The following MED13L variants were observed in gnomAD, a reference collection of about 807,000 sequenced individuals.
MED13L encodes the protein mediator complex subunit 13L, also known as mediator of RNA polymerase II transcription subunit 13-like.
In MED13L, 7 loss-of-function variants were observed where a neutral mutation model predicts 220.9. The ratio of observed to expected loss-of-function variants is 0.03; its 90% CI spans 0.02 to 0.06. The LOEUF (loss-of-function observed/expected upper bound fraction) is 0.06. Among genes scored for constraint, MED13L ranks in the 10% least tolerant of loss-of-function variants. The probability of loss-of-function intolerance (pLI) is 1.00; values close to 1 mark genes in which losing one functional copy is unlikely to be tolerated. For missense variants in MED13L, 1,965 were observed against 2,760.5 expected (o/e 0.71, Z 6.46); for synonymous variants, 1,011 against 1,015.2 (o/e 1.00, Z 0.08).
At chr12:116,143,857 A>C (rs531983898) in intron 2 of MED13L, among the ~76,000 whole-genome samples, 8 of 152,352 alleles carry the variant, frequency 5.3e-5, no homozygotes, top group Non-Finnish European at 1.0e-4. Flanking sequence ...TGAAAAATGA[A>C]TATACAAAAA....
chr12:116,119,825 AAAAAAAAAAAAAAATAT>A (rs1440154845), intron 2 of MED13L, among the ~76,000 whole-genome samples: 3 of 112,174 alleles, frequency 2.7e-5, no homozygotes, highest in Non-Finnish European at 1.8e-5. Flanking sequence ...AAAAAAAAAA[AAAAAAAAAAAAAAATAT>A]ATATATATAT....
chr12:116,152,277 T>C (rs1878097928), intron 2 of MED13L, among the ~76,000 whole-genome samples: 1 of 152,230 alleles, frequency 6.6e-6, no homozygotes, highest in Admixed American at 6.5e-5. Context: ...CATAATTTTA[T>C]TATACCATAA....
Position 116,272,012 on chromosome 12 carries a change from AT to A in MED13L, c.72+5047del, listed in dbSNP as rs374891220. Among the ~76,000 whole-genome samples the A allele has an allele frequency of 1.8e-4, 28 of 152,050 alleles. No individual in the cohort carries two copies. The East Asian group carries it at 5.2e-3, about 28-fold the overall frequency. ...AAATAAGTCGAATGTTTCAAAAAAA[AT>A]CTACTCTATCTTTGATTCAAAGTTG... is the stretch of plus-strand genomic sequence containing the variant. On this transcript the variant is annotated intron_variant, in intron 1 of 30. Transcript: ENST00000281928.
intron 4 of MED13L, among the ~76,000 whole-genome samples, chr12:116,026,459 T>C (rs990000672): frequency 1.3e-5 from 2 of 152,218 alleles, no homozygotes; most frequent in African/African-American, 4.8e-5. Context: ...TATATATTTT[T>C]GGCAAGTTAT....
intron 2 of MED13L, among the ~76,000 whole-genome samples, chr12:116,116,940 G>T (rs992206368): frequency 6.7e-6 from 1 of 149,784 alleles, no homozygotes; most frequent in East Asian, 2.1e-4. Flanking sequence ...GAGGATGTAA[G>T]GTTCTAGGAA....
chr12:116,088,810 GAGAAA>G (rs994452182), intron 4 of MED13L, among the ~76,000 whole-genome samples: 7 of 150,306 alleles, frequency 4.7e-5, no homozygotes, highest in Non-Finnish European at 8.9e-5. Flanking sequence ...AAAAAAAAAG[GAGAAA>G]AGAAAAGGCC....
At chr12:116,136,962 A>G (rs573162343) in intron 2 of MED13L, among the ~76,000 whole-genome samples, 4 of 152,338 alleles carry the variant, frequency 2.6e-5, no homozygotes, top group African/African-American at 9.6e-5. Context: ...AAGACAATTG[A>G]GGTAAATCAT....
At chr12:116,226,629 G>C (rs867830958) in intron 2 of MED13L, among the ~76,000 whole-genome samples, 1 of 152,202 alleles carries the variant, frequency 6.6e-6, no homozygotes, top group East Asian at 1.9e-4. Flanking sequence ...AGCGCTTTGG[G>C]AGGCCCAGGA....
chr12:116,195,234 G>C (rs1048149895), intron 2 of MED13L, among the ~76,000 whole-genome samples: 1 of 151,886 alleles, frequency 6.6e-6, no homozygotes, highest in Admixed American at 6.6e-5. Context: ...TGGGAGACAA[G>C]TGCCCTCTGC....
intron 2 of MED13L, among the ~76,000 whole-genome samples, chr12:116,129,898 G>A (rs1167242989): frequency 1.4e-5 from 2 of 142,318 alleles, no homozygotes; most frequent in Non-Finnish European, 1.5e-5. Flanking sequence ...AACAGAGTGA[G>A]ACTCAGTCTC....
Position 116,008,632 on chromosome 12 carries a change from G to A in MED13L, c.1781C>T (p.Thr594Ile). 1.2e-6 allele frequency: 2 copies of A among 1,614,086 alleles called. No individual in the cohort carries two copies. Among genetic ancestry groups the A allele is most frequent in the South Asian group, 1.1e-5 (1 of 91,086 alleles). ...TACGAGGACAGTTCTGTCATCCAGA[G>A]TAGACAACTGCTGGAGTTCTAGTCC... ...GNGLELQQLS[T>I]LDDRTVLVGQ... The change falls in exon 10 of 31, where the codon ACT becomes ATT. Residue 594 changes from threonine to isoleucine, a missense_variant. Around this residue, in one of 10 missense-constraint regions of MED13L, gnomAD observed 818 missense variants for 1,041.2 expected, o/e 0.79. Transcript: ENST00000281928.
chr12:115,993,543 G>C (rs1878204575), intron 16 of MED13L, among the ~76,000 whole-genome samples: 1 of 151,316 alleles, frequency 6.6e-6, no homozygotes, highest in Non-Finnish European at 1.5e-5. Context: ...TGGTATCTTT[G>C]AGTACAGATA....
At chr12:116,098,367 T>C (rs1052059929) in intron 3 of MED13L, among the ~76,000 whole-genome samples, 2 of 152,214 alleles carry the variant, frequency 1.3e-5, no homozygotes, top group Non-Finnish European at 2.9e-5. Flanking sequence ...TTCAGTGAAA[T>C]TCTACATATT....
chr12:116,032,172 A>G (rs1025909004), intron 4 of MED13L, among the ~76,000 whole-genome samples: 9 of 152,214 alleles, frequency 5.9e-5, no homozygotes, highest in South Asian at 4.1e-4. Flanking sequence ...CCTGGATATA[A>G]TAAATACCAT....
intron 2 of MED13L, chr12:116,148,609 CTATA>C (rs3043743): frequency 0.21 from 38,145 of 182,350 alleles, 3,348 homozygotes; most frequent in South Asian, 0.27. Flanking sequence ...ATGGAGATAT[CTATA>C]TATATATATA....
At chr12:116,138,404 A>C (rs1237141659) in intron 2 of MED13L, among the ~76,000 whole-genome samples, 1 of 152,212 alleles carries the variant, frequency 6.6e-6, no homozygotes, top group Non-Finnish European at 1.5e-5. Flanking sequence ...TTGAAGCTGT[A>C]AAGAAAGTGA....
At chr12:115,986,154 C>A in intron 19 of MED13L, 112 bp downstream of exon 19, 1 of 1,190,724 alleles carries the variant, frequency 8.4e-7, no homozygotes, top group Non-Finnish European at 1.2e-6. Context: ...CACCTGTTTG[C>A]AAATTTTCTC....
At chr12:116,277,027 GCACAGC>G in intron 1 of MED13L, 27 bp downstream of exon 1, 4 of 1,198,326 alleles carry the variant, frequency 3.3e-6, no homozygotes, top group Non-Finnish European at 4.8e-6. Flanking sequence ...CCCTTCCCCG[GCACAGC>G]CCCCTCCCCG....
At chr12:116,098,830 G>A (rs1872827778) in intron 3 of MED13L, among the ~76,000 whole-genome samples, 1 of 152,058 alleles carries the variant, frequency 6.6e-6, no homozygotes, top group Non-Finnish European at 1.5e-5. Context: ...TAGAAAATAG[G>A]AAATATGGCA....
Sources: allele counts gnomAD v4.1 joint callset (sites outside exome capture counted in the v4.1 genomes callset), GRCh38; gene constraint gnomAD v4.1.1; regional missense constraint gnomAD v4.1.1; transcripts MANE v1.5; gene names NCBI Gene and HGNC (gene_info 2026-07-23, HGNC 2026-07-21).